The following FAN1 variants were observed in gnomAD, a reference collection of about 807,000 sequenced individuals.
The protein encoded by FAN1 is FANCD2 and FANCI associated nuclease 1, also known as fanconi-associated nuclease 1.
In FAN1, 91 loss-of-function variants were observed where a neutral mutation model predicts 104.9. That is an observed-to-expected ratio of 0.87 (90% CI 0.73 to 1.03). FAN1 has a LOEUF of 1.03. Among genes scored for constraint, FAN1 ranks in the 50% least tolerant of loss-of-function variants. The pLI, the probability that FAN1 is intolerant of heterozygous loss-of-function variation, is 0.00. For synonymous variants in FAN1, 478 were observed against 457.6 expected (o/e 1.04, Z -0.57); for missense variants, 1,263 against 1,239.9 (o/e 1.02, Z -0.28).
At chr15:30,916,338 G>A (rs554909650) in intron 5 of FAN1, among the ~76,000 whole-genome samples, 4 of 152,304 alleles carry the variant, frequency 2.6e-5, no homozygotes, top group Admixed American at 6.5e-5. Context: ...ACAGACATGT[G>A]TGGGGTGCAT....
intron 13 of FAN1, among the ~76,000 whole-genome samples, chr15:30,931,480 CAT>C (rs1370019099): frequency 1.3e-5 from 2 of 152,188 alleles, no homozygotes; most frequent in Non-Finnish European, 2.9e-5. Flanking sequence ...TTTGGTGTCA[CAT>C]GTCAGAAATA....
chr15:30,942,475 A>G lies in FAN1; in HGVS notation c.*913A>G, dbSNP rs763947541. The G allele has an allele frequency of 1.2e-5, 3 of 260,012 alleles. No homozygotes were observed. Among genetic ancestry groups the G allele is most frequent in the Non-Finnish European group, 2.2e-5 (3 of 138,308 alleles). The allele number at this position is 260,012 out of a possible 1,614,324, so 16.1% of individuals were successfully genotyped here. A position where few individuals can be genotyped will look rare whatever the true frequency, so the allele number is the denominator to read the frequency against. ...CCTTTCAGTAGTCTGCAAATTTTCTACCAAAAAAAATCCCAAGAATTTATT... is the reference window on the plus strand; with the variant it reads ...CCTTTCAGTAGTCTGCAAATTTTCTGCCAAAAAAAATCCCAAGAATTTATT... On this transcript the variant is annotated 3_prime_UTR_variant, in exon 15 of 15. Transcript: ENST00000362065.
chr15:30,911,666 G>A (rs1370764903), intron 4 of FAN1: 2 of 905,380 alleles, frequency 2.2e-6, no homozygotes, highest in East Asian at 1.2e-4. Context: ...CATCTGTGTG[G>A]TATGTTAAAT....
At position 30,905,344 on chromosome 15, in the gene FAN1, T is replaced by C. The variant is rs1363613911; in HGVS notation, c.681T>C (p.Pro227=). 1.2e-6 allele frequency: 2 copies of C among 1,613,870 alleles called. No individual in the cohort carries two copies. The highest frequency in any genetic ancestry group is 1.1e-5 in the South Asian group (1 of 91,070). Residue 227 remains proline (P), a synonymous_variant, in exon 2 of 15, where the codon CCT becomes CCC. Coordinates refer to ENST00000362065, the MANE Select transcript of FAN1 (RefSeq NM_014967.5). ...ATTCTCTAAAGGAAGAGTGCATTCC[T>C]GAACATATGGTAAGAGGAAGTAAAA... is the stretch of plus-strand genomic sequence containing the variant. ...KCDSLKEECI[P]EHMVRGSKIM... is the part of the protein sequence containing the mutation.
intron 3 of FAN1, 115 bp downstream of exon 3, chr15:30,908,373 C>G: frequency 1.2e-6 from 1 of 804,946 alleles, no homozygotes; most frequent in Non-Finnish European, 1.8e-6. Flanking sequence ...TGGTAACTTA[C>G]TGTTTTTTAA....
At chr15:30,939,596 A>G in intron 14 of FAN1, 1 of 934,614 alleles carries the variant, frequency 1.1e-6, no homozygotes, top group Non-Finnish European at 1.3e-6. Context: ...TTTAACCATT[A>G]TTAATAGTAC....
chr15:30,940,608 T>TGGCA (rs2063012495), intron 14 of FAN1: 1 of 985,360 alleles, frequency 1.0e-6, no homozygotes, highest in African/African-American at 1.7e-5. Context: ...TTGGCATAGA[T>TGGCA]GGCACTCTCC....
chr15:30,930,961 A>C (rs1182729493), intron 13 of FAN1, among the ~76,000 whole-genome samples: 2 of 152,206 alleles, frequency 1.3e-5, no homozygotes, highest in Non-Finnish European at 2.9e-5. Context: ...ACGAGTCTCT[A>C]GTCCAGCTGA....
rs2061967754 is a variant in FAN1, at chr15:30,905,884, T to G, written c.1221T>G (p.Phe407Leu). ...AGGAGAAGGGAATTGTAACTAAATT[T>G]TATCAGTTATCAGGTATCTTACGCA... is the stretch of plus-strand genomic sequence containing the variant. ...DEQEKGIVTKFYQLSATGQKL... is the reference protein window; with the variant it reads ...DEQEKGIVTKLYQLSATGQKL... The change falls in exon 2 of 15, where the codon TTT (phenylalanine) becomes TTG (leucine). Residue 407 changes from phenylalanine (F) to leucine (L), a missense_variant. This residue lies in a region of FAN1 where 682 missense variants were observed against 571.1 expected (regional missense o/e 1.19). Coordinates refer to ENST00000362065, the MANE Select transcript of FAN1 (RefSeq NM_014967.5). The G allele has an allele frequency of 6.2e-7, 1 of 1,612,390 alleles. No individual in the cohort carries two copies. Among genetic ancestry groups the G allele is most frequent in the Non-Finnish European group, 8.5e-7 (1 of 1,178,880 alleles).
chr15:30,905,533 A>C lies in FAN1; in HGVS notation c.870A>C (p.Lys290Asn). 6.2e-7 allele frequency: 1 copy of C among 1,613,978 alleles called. No individual in the cohort carries two copies. The highest frequency in any genetic ancestry group is 8.5e-7 in the Non-Finnish European group (1 of 1,179,818). The change falls in exon 2 of 15, where the codon AAA becomes AAC. Residue 290 changes from lysine (K) to asparagine (N), a missense_variant. Lys to Asn is a moderately conservative substitution (Grantham distance 94). Coordinates refer to ENST00000362065, the MANE Select transcript of FAN1 (RefSeq NM_014967.5). ...GTCTTGTAAAGCAAGAGTGTATCAA[A>C]GAAGTGGTTGAAAAACGTGAGGCAT... ...EDSLVKQECI[K>N]EVVEKREACH... is the part of the protein sequence containing the mutation.
At chr15:30,913,595 A>C (rs1040498789) in intron 4 of FAN1, among the ~76,000 whole-genome samples, 1 of 152,242 alleles carries the variant, frequency 6.6e-6, no homozygotes, top group Non-Finnish European at 1.5e-5. Flanking sequence ...ACTCATGACC[A>C]GGGTAAACCC....
intron 2 of FAN1, chr15:30,906,620 G>C: frequency 2.3e-6 from 1 of 432,112 alleles, no homozygotes; most frequent in Non-Finnish European, 4.7e-6. Context: ...CTGTCGTTTA[G>C]TAAAATGCGG....
intron 4 of FAN1, 134 bp downstream of exon 4, chr15:30,910,949 C>T (rs758323463): frequency 1.5e-6 from 2 of 1,374,268 alleles, no homozygotes; most frequent in Non-Finnish European, 1.9e-6. Context: ...CTGGAAAAGC[C>T]TTAATTGCAA....
At chr15:30,915,923 T>C (rs914413634) in intron 5 of FAN1, among the ~76,000 whole-genome samples, 1 of 152,224 alleles carries the variant, frequency 6.6e-6, no homozygotes, top group African/African-American at 2.4e-5. Flanking sequence ...GACTCAAATT[T>C]AACCAAAATT....
rs757813353 is a variant in FAN1, at chr15:30,905,349, A to C, written c.686A>C (p.His229Pro). 6.2e-7 allele frequency: 1 copy of C among 1,614,024 alleles called. No individual in the cohort carries two copies. Among genetic ancestry groups the C allele is most frequent in the East Asian group, 2.2e-5 (1 of 44,890 alleles). The change falls in exon 2 of 15, where the codon CAT becomes CCT. Residue 229 changes from histidine to proline, a missense_variant. Transcript: ENST00000362065. ...CTAAAGGAAGAGTGCATTCCTGAAC[A>C]TATGGTAAGAGGAAGTAAAATAATG... ...DSLKEECIPEHMVRGSKIMEA... is the reference protein window; with the variant it reads ...DSLKEECIPEPMVRGSKIMEA...
intron 10 of FAN1, chr15:30,927,889 C>CTG (rs1417300612): frequency 1.0e-6 from 1 of 985,648 alleles, no homozygotes; most frequent in African/African-American, 1.7e-5. Context: ...ACCTCAGCAC[C>CTG]TGACTTCTGT....
intron 7 of FAN1, 87 bp from the exon 8 acceptor site, chr15:30,922,148 G>A: frequency 6.7e-7 from 1 of 1,489,842 alleles, no homozygotes; most frequent in South Asian, 1.3e-5. Flanking sequence ...TTATAAATAG[G>A]CTTTACCAAT....
chr15:30,927,222 CAA>C (rs59258954), intron 10 of FAN1: 1 of 984,256 alleles, frequency 1.0e-6, no homozygotes, highest in Non-Finnish European at 1.2e-6. Context: ...ACAAAACAAA[CAA>C]AGGAGTTCAG....
intron 14 of FAN1, chr15:30,939,641 A>C (rs1031893685): frequency 7.8e-6 from 7 of 892,396 alleles, no homozygotes; most frequent in Middle Eastern, 5.6e-4. Flanking sequence ...AACAACAATA[A>C]AATACTACAA....
Sources: allele counts gnomAD v4.1 joint callset (sites outside exome capture counted in the v4.1 genomes callset), GRCh38; gene constraint gnomAD v4.1.1; regional missense constraint gnomAD v4.1.1; transcripts MANE v1.5; gene names NCBI Gene and HGNC (gene_info 2026-07-23, HGNC 2026-07-21).